Variants in XYLT1 observed in about 807,000 individuals in gnomAD.
XYLT1 encodes xylosyltransferase 1, also known as beta-D-xylosyltransferase 1.
A neutral mutation model predicts 91.3 loss-of-function variants in XYLT1; 36 were observed. That is an observed-to-expected ratio of 0.39 (90% CI 0.30 to 0.52). The LOEUF (loss-of-function observed/expected upper bound fraction) is 0.52, where lower values mean the gene tolerates loss of function less well. Ranked by LOEUF, XYLT1 falls within the 20% of genes least tolerant of loss-of-function variation. The pLI is 0.68. For missense variants in XYLT1, 1,242 were observed against 1,284.5 expected (o/e 0.97, Z 0.51); for synonymous variants, 588 against 532.0 (o/e 1.11, Z -1.45).
chr16:17,241,523 G>C (rs371024867), intron 3 of XYLT1, among the ~76,000 whole-genome samples: 1 of 152,198 alleles, frequency 6.6e-6, no homozygotes, highest in Non-Finnish European at 1.5e-5. Context: ...GTGTGAGTGC[G>C]TGAGTGCATG....
At chr16:17,258,825 A>C (rs1297884322) in intron 3 of XYLT1, among the ~76,000 whole-genome samples, 163 bp downstream of exon 3, 1 of 151,040 alleles carries the variant, frequency 6.6e-6, no homozygotes, top group Admixed American at 6.6e-5. Flanking sequence ...AGACTTCAAC[A>C]CTCAGGGAGT....
At chr16:17,168,997 T>A (rs1205282414) in intron 5 of XYLT1, among the ~76,000 whole-genome samples, 1 of 152,232 alleles carries the variant, frequency 6.6e-6, no homozygotes, top group African/African-American at 2.4e-5. Flanking sequence ...CTGTGTTCTT[T>A]CATAACTCTA....
intron 1 of XYLT1, among the ~76,000 whole-genome samples, chr16:17,390,794 G>A (rs552239641): frequency 1.4e-4 from 22 of 152,316 alleles, no homozygotes; most frequent in African/African-American, 5.3e-4. Flanking sequence ...CCAACACTTT[G>A]GGAGCCTGAG....
chr16:17,427,390 T>G (rs900042623), intron 1 of XYLT1, among the ~76,000 whole-genome samples: 2 of 152,216 alleles, frequency 1.3e-5, no homozygotes, highest in Admixed American at 6.5e-5. Flanking sequence ...CCTCCCAGGC[T>G]TAAGCAATCT....
intron 1 of XYLT1, among the ~76,000 whole-genome samples, chr16:17,377,204 T>C (rs1308534010): frequency 1.9e-5 from 2 of 106,632 alleles, no homozygotes; most frequent in African/African-American, 6.3e-5. Flanking sequence ...TAGGTACTAT[T>C]CTGGGTCTTG....
chr16:17,235,541 T>C (rs1212386526), intron 3 of XYLT1, among the ~76,000 whole-genome samples: 1 of 152,162 alleles, frequency 6.6e-6, no homozygotes, highest in Non-Finnish European at 1.5e-5. Flanking sequence ...TCAGTATTTC[T>C]TGTATGCACG....
At chr16:17,229,663 C>T (rs1166037043) in intron 3 of XYLT1, among the ~76,000 whole-genome samples, 1 of 152,134 alleles carries the variant, frequency 6.6e-6, no homozygotes, top group Non-Finnish European at 1.5e-5. Flanking sequence ...GAATGCATTC[C>T]AAGTTGCTCA....
chr16:17,401,776 T>A (rs1263374106), intron 1 of XYLT1, among the ~76,000 whole-genome samples: 1 of 151,994 alleles, frequency 6.6e-6, no homozygotes, highest in Non-Finnish European at 1.5e-5. Context: ...ATTTATGGAA[T>A]GTTTCTTGGC....
intron 2 of XYLT1, among the ~76,000 whole-genome samples, chr16:17,263,198 C>A (rs544882803): frequency 2.9e-4 from 44 of 152,228 alleles, no homozygotes; most frequent in African/African-American, 1.0e-3. Flanking sequence ...ACCCCCATTT[C>A]AAAAGCTCCT....
intron 2 of XYLT1, among the ~76,000 whole-genome samples, chr16:17,332,937 G>A (rs1163806518): frequency 6.6e-6 from 1 of 152,156 alleles, no homozygotes; most frequent in Non-Finnish European, 1.5e-5. Context: ...TGGGTAACAA[G>A]GGCAGAGTGT....
At chr16:17,451,302 C>T (rs1308413851) in intron 1 of XYLT1, among the ~76,000 whole-genome samples, 1 of 152,172 alleles carries the variant, frequency 6.6e-6, no homozygotes, top group Non-Finnish European at 1.5e-5. Context: ...ACTTTCATGT[C>T]CTTGTCATAA....
intron 2 of XYLT1, among the ~76,000 whole-genome samples, chr16:17,263,986 A>G (rs2033764055): frequency 6.7e-6 from 1 of 149,236 alleles, no homozygotes; most frequent in East Asian, 2.0e-4. Context: ...TGGGACTACT[A>G]TGATAATAAC....
intron 2 of XYLT1, among the ~76,000 whole-genome samples, chr16:17,314,737 C>T (rs1040556912): frequency 6.6e-6 from 1 of 152,174 alleles, no homozygotes; most frequent in South Asian, 2.1e-4. Flanking sequence ...CCAAAGCTAA[C>T]AGAATAATTA....
In XYLT1 at chr16:17,138,478, G is replaced by A. The variant is rs2030848910; in HGVS notation, c.1641C>T (p.Asp547=). The A allele has an allele frequency of 6.2e-7, 1 of 1,614,044 alleles. No individual in the cohort carries two copies. Among genetic ancestry groups the A allele is most frequent in the Non-Finnish European group, 8.5e-7 (1 of 1,180,026 alleles). Residue 547 remains aspartate, a synonymous_variant, in exon 8 of 12, where the codon GAC becomes GAT. Coordinates refer to ENST00000261381, the MANE Select transcript of XYLT1 (RefSeq NM_022166.4). The part of the protein sequence containing the change: ...ENSPHCDTMV[D]NNLRITNWNR... ...TCCAGTTGGTGATGCGCAGGTTGTT[G>A]TCCACCATGGTGTCGCAGTGGGGGC...
At chr16:17,406,639 G>A (rs1247771211) in intron 1 of XYLT1, among the ~76,000 whole-genome samples, 2 of 152,216 alleles carry the variant, frequency 1.3e-5, no homozygotes, top group Non-Finnish European at 2.9e-5. Context: ...GACAAGTGGA[G>A]ACCAGGAGGC....
intron 6 of XYLT1, among the ~76,000 whole-genome samples, chr16:17,146,389 G>T (rs2031133314): frequency 1.3e-5 from 2 of 152,048 alleles, no homozygotes; most frequent in South Asian, 4.1e-4. Context: ...TCACCAGCTG[G>T]GTGACTTCAA....
At chr16:17,313,878 T>C (rs1167978707) in intron 2 of XYLT1, among the ~76,000 whole-genome samples, 1 of 151,862 alleles carries the variant, frequency 6.6e-6, no homozygotes, top group Non-Finnish European at 1.5e-5. Context: ...ACAGGGAGAA[T>C]GGGAATAAGG....
chr16:17,361,316 C>T (rs145505765), intron 1 of XYLT1, among the ~76,000 whole-genome samples: 2 of 152,244 alleles, frequency 1.3e-5, no homozygotes, highest in East Asian at 1.9e-4. Context: ...AGCCACGCCC[C>T]GCCTAGATCA....
chr16:17,189,034 A>G (rs1430719016), intron 5 of XYLT1, among the ~76,000 whole-genome samples: 3 of 152,166 alleles, frequency 2.0e-5, no homozygotes, highest in South Asian at 4.1e-4. Flanking sequence ...GGTGCTCAAT[A>G]AATATTTTTT....
Sources: allele counts gnomAD v4.1 joint callset (sites outside exome capture counted in the v4.1 genomes callset), GRCh38; gene constraint gnomAD v4.1.1; transcripts MANE v1.5; gene names NCBI Gene and HGNC (gene_info 2026-07-23, HGNC 2026-07-21).